NTN1: variants seen among roughly 807,000 people sequenced by gnomAD.
NTN1 encodes netrin-1.
NTN1 carries 11 observed loss-of-function variants against 54.2 expected under a neutral mutation model. The observed-to-expected ratio is 0.20, with a 90% CI of 0.13 to 0.34. The LOEUF (loss-of-function observed/expected upper bound fraction) is 0.34. Among genes scored for constraint, NTN1 ranks in the 10% least tolerant of loss-of-function variants. NTN1 has a pLI of 1.00. For synonymous variants in NTN1, 371 were observed against 382.0 expected (o/e 0.97, Z 0.33); for missense variants, 740 against 893.1 (o/e 0.83, Z 2.18).
At chr17:9,093,712 G>A (rs2092121400) in intron 2 of NTN1, among the ~76,000 whole-genome samples, 1 of 152,308 alleles carries the variant, frequency 6.6e-6, no homozygotes, top group East Asian at 1.9e-4. Context: ...GGTGGCTCAC[G>A]CCTGTAATCC....
Position 9,075,439 on chromosome 17 carries a change from G to A in NTN1, c.1018+52048G>A, listed in dbSNP as rs546855550. Among the ~76,000 whole-genome samples, 90 of 152,226 alleles carry A rather than the reference G, an allele frequency of 5.9e-4. 1 individual carries two copies. The South Asian group carries it at 0.013, about 21-fold the overall frequency. Reference sequence around the variant, plus strand: ...GGAGGTTGTAGTGAGCCAAGATCACGCCACTGCACTCCAGCTGGGTGACAG... The same window carrying A: ...GGAGGTTGTAGTGAGCCAAGATCACACCACTGCACTCCAGCTGGGTGACAG... On this transcript the variant is annotated intron_variant, in intron 2 of 6. Coordinates refer to ENST00000173229, the MANE Select transcript of NTN1 (RefSeq NM_004822.3).
chr17:9,023,307 G>A lies in NTN1; in HGVS notation c.934G>A (p.Gly312Ser), dbSNP rs1249348058. The A allele has an allele frequency of 2.6e-6, 4 of 1,542,768 alleles. No homozygotes were observed. The highest frequency in any genetic ancestry group is 2.7e-5 in the African/African-American group (2 of 73,030). ...LVCDCRHNTAGPECDRCKPFH... is the reference protein window; with the variant it reads ...LVCDCRHNTASPECDRCKPFH... ...GTGCGACTGCAGGCACAACACGGCC[G>A]GCCCGGAGTGCGACCGCTGCAAGCC... The change falls in exon 2 of 7, where the codon GGC becomes AGC. Residue 312 changes from glycine (G) to serine (S), a missense_variant. By Grantham distance (56) the Gly-to-Ser change is moderately conservative (BLOSUM62 0). Transcript: ENST00000173229.
chr17:9,029,985 C>T lies in NTN1; in HGVS notation c.1018+6594C>T, dbSNP rs574466044. 6.0e-5 allele frequency among the ~76,000 whole-genome samples: 7 copies of T among 117,564 alleles called. No homozygotes were observed. In the South Asian group the frequency reaches 1.0e-3, roughly 17 times the overall value. 77.1% of individuals were successfully genotyped at this position (117,564 alleles called of 152,430 possible). On this transcript the variant is annotated intron_variant, in intron 2 of 6. Transcript: ENST00000173229. ...CTAGCCTGGCAACAGAGCGAAACTC[C>T]GTCTCAAAAAAAAAAGAAAAAGTTA...
In NTN1 at chr17:9,240,143, C is replaced by A. The variant is rs1005130896; in HGVS notation, c.*175C>A. 1.2e-5 allele frequency: 3 copies of A among 252,472 alleles called. No homozygotes were observed. The highest frequency in any genetic ancestry group is 1.3e-5 in the Non-Finnish European group (2 of 156,718). 15.6% of individuals were successfully genotyped at this position (252,472 alleles called of 1,614,324 possible). A position where few individuals can be genotyped will look rare whatever the true frequency, so the allele number is the denominator to read the frequency against. ...GACCCTCGGCGGCCCCTCCCCCTAC[C>A]CCCACCCTGCGCGCTCTGGGCGGGA... On this transcript the variant is annotated 3_prime_UTR_variant, in exon 7 of 7. Transcript: ENST00000173229.
rs145868458 is a variant in NTN1 at position 9,159,497 on chromosome 17, C to A, written c.1019-3316C>A. Among the ~76,000 whole-genome samples, 208 of 152,156 alleles carry A rather than the reference C, an allele frequency of 1.4e-3. 3 individuals carry two copies. Among genetic ancestry groups the A allele is most frequent in the African/African-American group, 4.9e-3 (202 of 41,500 alleles). On this transcript the variant is annotated intron_variant, in intron 2 of 6. Coordinates refer to ENST00000173229, the MANE Select transcript of NTN1 (RefSeq NM_004822.3). ...TTGAGGGCAGTTTGGCAATTTGGTG[C>A]CAATGTTAAAAACATGTAGAAGGGC... is the stretch of plus-strand genomic sequence containing the variant.
chr17:9,220,416 G>A (rs1905306418), intron 5 of NTN1, among the ~76,000 whole-genome samples: 1 of 152,254 alleles, frequency 6.6e-6, no homozygotes, highest in Non-Finnish European at 1.5e-5. Context: ...TCAAAGAACA[G>A]CGATGGCTGG....
chr17:9,100,554 G>A (rs1439249236), intron 2 of NTN1, among the ~76,000 whole-genome samples: 3 of 152,072 alleles, frequency 2.0e-5, no homozygotes, highest in African/African-American at 7.2e-5. Flanking sequence ...GCCTGCCTTG[G>A]CCTCCCAAAG....
At chr17:9,036,453 T>A (rs1009987196) in intron 2 of NTN1, among the ~76,000 whole-genome samples, 1 of 136,912 alleles carries the variant, frequency 7.3e-6, no homozygotes, top group Non-Finnish European at 1.5e-5. Flanking sequence ...TAGAGCACAG[T>A]GGTGCAATCA....
At chr17:9,007,124 C>T in the NTN1 span, among the ~76,000 whole-genome samples, 2 of 152,096 alleles carry the variant, frequency 1.3e-5, no homozygotes, top group African/African-American at 4.8e-5. Context: ...TTTTTTCTCT[C>T]TCTTTCTTTC....
chr17:9,099,957 C>T (rs2092144299), intron 2 of NTN1, among the ~76,000 whole-genome samples: 1 of 151,962 alleles, frequency 6.6e-6, no homozygotes, highest in Non-Finnish European at 1.5e-5. Flanking sequence ...TGATAATTAA[C>T]ATTTTAAAAA....
At chr17:9,066,685 T>C (rs967010938) in intron 2 of NTN1, among the ~76,000 whole-genome samples, 37 of 151,600 alleles carry the variant, frequency 2.4e-4, no homozygotes, top group African/African-American at 9.0e-4. Context: ...CCATGGATCA[T>C]GTTAGTAAGC....
intron 2 of NTN1, among the ~76,000 whole-genome samples, chr17:9,158,115 G>T (rs771439451): frequency 2.6e-5 from 4 of 152,238 alleles, no homozygotes; most frequent in Non-Finnish European, 5.9e-5. Flanking sequence ...AGAAGTCTGA[G>T]CATGGGCATT....
rs55765967 is a variant in NTN1 at position 9,163,477 on chromosome 17, AACACACACACACACACACACACAC to A, written c.1207+497_1207+520del. Among the ~76,000 whole-genome samples the A allele has an allele frequency of 1.9e-3, 265 of 142,788 alleles. 2 individuals carry two copies. The highest frequency in any genetic ancestry group is 7.2e-3 in the Middle Eastern group (2 of 278). The allele number at this position is 142,788 out of a possible 152,430, so 93.7% of individuals were successfully genotyped here. ...CGCACCGCCCCTCACTCCCCCCCGA[AACACACACACACACACACACACAC>A]ACACACACACACACACACACGTACA... On this transcript the variant is annotated intron_variant, in intron 3 of 6. Coordinates refer to ENST00000173229, the MANE Select transcript of NTN1 (RefSeq NM_004822.3).
rs906278231 is a variant in NTN1, at chr17:9,241,256, A to G, written c.*1288A>G. The G allele has an allele frequency of 6.6e-6, 1 of 152,432 alleles. No individual in the cohort carries two copies. The highest frequency in any genetic ancestry group is 1.5e-5 in the Non-Finnish European group (1 of 68,230). The allele number at this position is 152,432 out of a possible 1,614,324, so 9.4% of individuals were successfully genotyped here. ...CACAGAGGCTGCCGGCCTGCCCCCT[A>G]CAGCTGTCTTGGGTCTGGCCTGGGC... On this transcript the variant is annotated 3_prime_UTR_variant, in exon 7 of 7. Transcript: ENST00000173229.
chr17:9,227,758 A>T (rs901840136), intron 6 of NTN1, among the ~76,000 whole-genome samples: 1 of 151,556 alleles, frequency 6.6e-6, no homozygotes, highest in African/African-American at 2.4e-5. Flanking sequence ...AGACTCACAC[A>T]TTTATCATAC....
At chr17:9,054,783 G>A (rs2091973633) in intron 2 of NTN1, among the ~76,000 whole-genome samples, 1 of 152,110 alleles carries the variant, frequency 6.6e-6, no homozygotes, top group Non-Finnish European at 1.5e-5. Flanking sequence ...CGTCCATCAG[G>A]AACACAAGTC....
intron 2 of NTN1, among the ~76,000 whole-genome samples, chr17:9,046,224 G>A (rs1352575533): frequency 2.0e-5 from 3 of 152,214 alleles, no homozygotes; most frequent in Non-Finnish European, 4.4e-5. Flanking sequence ...GTTTAGAAAC[G>A]GGCAAAGAAC....
chr17:9,031,186 A>G (rs1395754470), intron 2 of NTN1, among the ~76,000 whole-genome samples: 3 of 152,154 alleles, frequency 2.0e-5, no homozygotes, highest in Non-Finnish European at 4.4e-5. Context: ...GCTTTAAATA[A>G]CTGAGTCCTA....
chr17:9,071,500 A>C (rs937742178), intron 2 of NTN1, among the ~76,000 whole-genome samples: 15 of 151,692 alleles, frequency 9.9e-5, no homozygotes, highest in East Asian at 1.9e-4. Context: ...AAAAAAAAAA[A>C]CCATAAAACA....
Sources: gnomAD v4.1 joint callset for allele counts (sites outside exome capture counted in the v4.1 genomes callset) on GRCh38, gnomAD v4.1.1 for gene constraint, MANE v1.5 for transcripts, NCBI Gene and HGNC (gene_info 2026-07-23, HGNC 2026-07-21) for gene names.